Variants in FAM114A2 observed in about 807,000 individuals in gnomAD.
The protein encoded by FAM114A2 is family with sequence similarity 114 member A2.
A neutral mutation model predicts 58.4 loss-of-function variants in FAM114A2; 53 were observed. That is an observed-to-expected ratio of 0.91 (90% CI 0.73 to 1.14). The LOEUF (loss-of-function observed/expected upper bound fraction) is 1.14. FAM114A2 is among the 50% of genes most tolerant of loss of function. The probability of loss-of-function intolerance (pLI) is 0.00; values close to 1 mark genes in which losing one functional copy is unlikely to be tolerated. For missense variants in FAM114A2, 601 were observed against 581.1 expected, an observed-to-expected ratio of 1.03 and a Z score of -0.35; for synonymous variants, 228 against 211.4, an observed-to-expected ratio of 1.08 and a Z score of -0.68.
chr5:154,026,805 T>G (rs1486547195), intron 7 of FAM114A2, among the ~76,000 whole-genome samples: 1 of 147,066 alleles, frequency 6.8e-6, no homozygotes, highest in Non-Finnish European at 1.5e-5. Flanking sequence ...TTAAATCAAT[T>G]AAAAGCTAAC....
In FAM114A2 at chr5:154,005,686, A is replaced by G. The variant is rs1423612970; in HGVS notation, c.994-2717T>C. On this transcript the variant is annotated intron_variant, in intron 9 of 13. Transcript: ENST00000351797. ...CTACTGAATTCCCCTCTTTTAAATT[A>G]GTTTCTGTTATTTTTTAAGTTTCTT... Among the ~76,000 whole-genome samples the G allele has an allele frequency of 1.3e-5, 2 of 152,118 alleles. 1 individual carries two copies. Among genetic ancestry groups the G allele is most frequent in the African/African-American group, 4.8e-5 (2 of 41,424 alleles).
chr5:154,038,645 C>A (rs1252311015), intron 1 of FAM114A2: 1 of 152,278 alleles, frequency 6.6e-6, no homozygotes, highest in Non-Finnish European at 1.5e-5. Context: ...ACGTAAACGT[C>A]CGCTCCCAAC....
chr5:154,022,840 T>C (rs759398651), intron 8 of FAM114A2, among the ~76,000 whole-genome samples: 7 of 152,230 alleles, frequency 4.6e-5, no homozygotes, highest in Non-Finnish European at 7.3e-5. Context: ...TGCACACATA[T>C]GTTTATTGTA....
At chr5:154,023,761 C>T (rs979101089) in intron 8 of FAM114A2, among the ~76,000 whole-genome samples, 1 of 151,746 alleles carries the variant, frequency 6.6e-6, no homozygotes, top group African/African-American at 2.4e-5. Context: ...CCACCTGTTC[C>T]CTGATAACCT....
At chr5:154,003,181 T>G (rs933933435) in intron 9 of FAM114A2, among the ~76,000 whole-genome samples, 2 of 149,084 alleles carry the variant, frequency 1.3e-5, no homozygotes, top group African/African-American at 4.9e-5. Flanking sequence ...TTGGTAGTAT[T>G]TTTTTTTTTT....
chr5:153,992,966 T>A lies in FAM114A2; in HGVS notation c.*10A>T. 2 of 1,608,232 alleles carry A rather than the reference T, an allele frequency of 1.2e-6. No homozygotes were observed. Among genetic ancestry groups the A allele is most frequent in the Non-Finnish European group, 1.7e-6 (2 of 1,176,738 alleles). On this transcript the variant is annotated 3_prime_UTR_variant, in exon 14 of 14. Transcript: ENST00000351797. ...CCGTCACAAGTCCCAGGTCAAAACG[T>A]CTCCATTCTTCAATGTTCTAACAAA...
chr5:154,003,819 T>A lies in FAM114A2; in HGVS notation c.994-850A>T, dbSNP rs75464319. ...TTAGATTTATCCATGTTGCTGCATG[T>A]ATTAGTTCATTCATATTAACTGCTG... On this transcript the variant is annotated intron_variant, in intron 9 of 13. Coordinates refer to ENST00000351797, the MANE Select transcript of FAM114A2 (RefSeq NM_018691.4). Among the ~76,000 whole-genome samples, 1,341 of 152,372 alleles carry A rather than the reference T, an allele frequency of 8.8e-3. 30 individuals are homozygous for A. Among genetic ancestry groups the A allele is most frequent in the African/African-American group, 0.03 (1,237 of 41,580 alleles).
intron 8 of FAM114A2, chr5:154,026,174 T>C (rs371701225): frequency 1.4e-5 from 4 of 280,642 alleles, no homozygotes; most frequent in Middle Eastern, 1.0e-3. Context: ...AAGGGTTTGG[T>C]TGGAAGGAGG....
intron 4 of FAM114A2, among the ~76,000 whole-genome samples, chr5:154,031,359 C>A (rs1265822095): frequency 1.4e-4 from 18 of 127,372 alleles, no homozygotes; most frequent in African/African-American, 4.1e-4. Context: ...GTTGCAAATA[C>A]CTTAACTGCC....
chr5:154,018,766 T>C (rs1771211942), intron 8 of FAM114A2, among the ~76,000 whole-genome samples: 1 of 152,138 alleles, frequency 6.6e-6, no homozygotes, highest in Admixed American at 6.5e-5. Context: ...TGAAAGGCAA[T>C]AAATGTGATA....
At chr5:154,023,830 T>G (rs972233289) in intron 8 of FAM114A2, among the ~76,000 whole-genome samples, 1 of 152,070 alleles carries the variant, frequency 6.6e-6, no homozygotes, top group African/African-American at 2.4e-5. Context: ...AAGATAACTA[T>G]GTAATTATAA....
Position 154,034,820 on chromosome 5 carries a change from G to C in FAM114A2, c.134C>G (p.Pro45Arg), listed in dbSNP as rs1009105029. The C allele has an allele frequency of 6.2e-7, 1 of 1,613,996 alleles. No homozygotes were observed. Among genetic ancestry groups the C allele is most frequent in the Admixed American group, 1.7e-5 (1 of 60,004 alleles). The change falls in exon 2 of 14, where the codon CCT becomes CGT. Residue 45 changes from proline to arginine, a missense_variant. Physicochemically the swap from Pro to Arg is moderately radical, Grantham distance 103. Coordinates refer to ENST00000351797, the MANE Select transcript of FAM114A2 (RefSeq NM_018691.4). ...QGAKPESKSE[P>R]VVSTRKRPET... ...TGGTCTTTTCCGAGTGGAAACTACAGGTTCTGATTTACTCTCTGGTTTGGC... is the reference window on the plus strand; with the variant it reads ...TGGTCTTTTCCGAGTGGAAACTACACGTTCTGATTTACTCTCTGGTTTGGC...
chr5:154,008,191 A>G (rs556506549), intron 9 of FAM114A2, among the ~76,000 whole-genome samples: 1 of 152,320 alleles, frequency 6.6e-6, no homozygotes, highest in Admixed American at 6.5e-5. Flanking sequence ...TCTTTACAAA[A>G]AGAAACTCAG....
chr5:154,036,089 T>C (rs1210814591), intron 1 of FAM114A2, among the ~76,000 whole-genome samples: 1 of 152,228 alleles, frequency 6.6e-6, no homozygotes, highest in African/African-American at 2.4e-5. Flanking sequence ...AATATGTGGT[T>C]TGCAAATATT....
intron 7 of FAM114A2, 112 bp from the exon 8 acceptor site, chr5:154,026,634 T>A (rs915411638): frequency 6.3e-5 from 40 of 632,814 alleles, no homozygotes; most frequent in Admixed American, 1.3e-4. Flanking sequence ...TATGAGCTCA[T>A]CAGCCAGCAC....
At chr5:154,024,081 C>T (rs1322913649) in intron 8 of FAM114A2, among the ~76,000 whole-genome samples, 1 of 152,118 alleles carries the variant, frequency 6.6e-6, no homozygotes, top group South Asian at 2.1e-4. Context: ...CAGAAGCCAG[C>T]TAACAGTGAA....
intron 8 of FAM114A2, among the ~76,000 whole-genome samples, chr5:154,025,477 T>G (rs150374549): frequency 6.6e-6 from 1 of 152,274 alleles, no homozygotes; most frequent in Non-Finnish European, 1.5e-5. Flanking sequence ...AGACAACATC[T>G]TAGTATTATG....
rs1436890274 is a variant in FAM114A2, at chr5:153,991,461, C to T, written c.*1515G>A. ...CCAGAAGGCAACTGTTTTTCTGAAACTTCAGAAATATTCAAGCTGGAAAGG... is the reference window on the plus strand; with the variant it reads ...CCAGAAGGCAACTGTTTTTCTGAAATTTCAGAAATATTCAAGCTGGAAAGG... On this transcript the variant is annotated 3_prime_UTR_variant, in exon 14 of 14. Coordinates refer to ENST00000351797, the MANE Select transcript of FAM114A2 (RefSeq NM_018691.4). The T allele has an allele frequency of 6.6e-6, 1 of 152,112 alleles. No individual in the cohort carries two copies. The highest frequency in any genetic ancestry group is 1.5e-5 in the Non-Finnish European group (1 of 68,018). The allele number at this position is 152,112 out of a possible 1,614,324, so 9.4% of individuals were successfully genotyped here.
chr5:153,999,701 T>C (rs1216890112), intron 11 of FAM114A2, among the ~76,000 whole-genome samples: 2 of 151,242 alleles, frequency 1.3e-5, no homozygotes, highest in Non-Finnish European at 2.9e-5. Flanking sequence ...ATTGTTAGAA[T>C]GTAAATTAGT....
Sources: gnomAD v4.1 joint callset for allele counts (sites outside exome capture counted in the v4.1 genomes callset) on GRCh38, gnomAD v4.1.1 for gene constraint, MANE v1.5 for transcripts, NCBI Gene and HGNC (gene_info 2026-07-23, HGNC 2026-07-21) for gene names.